Variants in SMCO3 observed in about 807,000 individuals in gnomAD.
SMCO3 encodes single-pass membrane and coiled-coil domain-containing protein 3.
A neutral mutation model predicts 12.0 loss-of-function variants in SMCO3; 6 were observed. That is an observed-to-expected ratio of 0.50 (90% CI 0.27 to 0.99). The LOEUF is 0.99. Ranked by LOEUF, SMCO3 falls within the 50% of genes least tolerant of loss-of-function variation. The probability of loss-of-function intolerance (pLI) is 0.11; values close to 1 mark genes in which losing one functional copy is unlikely to be tolerated. For missense variants in SMCO3, 279 were observed against 265.0 expected (o/e 1.05, Z -0.37); for synonymous variants, 96 against 96.4 (o/e 1.00, Z 0.02).
intron 1 of SMCO3, among the ~76,000 whole-genome samples, chr12:14,807,049 C>T (rs559159084): frequency 2.0e-5 from 3 of 152,312 alleles, no homozygotes; most frequent in African/African-American, 7.2e-5. Context: ...CCAGGCTGGT[C>T]TCCAACTCCT....
Position 14,805,829 on chromosome 12 carries a change from G to T in SMCO3, c.*174C>A, listed in dbSNP as rs941050122. ...AGCATCAGCTGATCCAGGCATTGTT[G>T]ACTCAAAACTCATCTAGTCATCTAG... On this transcript the variant is annotated 3_prime_UTR_variant, in exon 2 of 2. Coordinates refer to ENST00000316048, the MANE Select transcript of SMCO3 (RefSeq NM_001013698.2). 2 of 702,886 alleles carry T rather than the reference G, an allele frequency of 2.8e-6. No individual in the cohort carries two copies. The highest frequency in any genetic ancestry group is 3.6e-5 in the African/African-American group (2 of 55,562). 43.5% of individuals were successfully genotyped at this position (702,886 alleles called of 1,614,324 possible).
Position 14,806,571 on chromosome 12 carries a change from T to C in SMCO3, c.110A>G (p.Asn37Ser). The change falls in exon 2 of 2, where the codon AAT becomes AGT. Residue 37 changes from asparagine to serine, a missense_variant. Asn to Ser is a conservative substitution (Grantham distance 46). Coordinates refer to ENST00000316048, the MANE Select transcript of SMCO3 (RefSeq NM_001013698.2). The part of the protein sequence containing the change: ...DCLSDSFDVT[N>S]KLTEVLNMHL... Reference sequence around the variant, plus strand: ...CATATTTAGAACCTCAGTCAGCTTATTGGTGACATCGAAGCTGTCAGATAA... The same window carrying C: ...CATATTTAGAACCTCAGTCAGCTTACTGGTGACATCGAAGCTGTCAGATAA... 6.2e-7 allele frequency: 1 copy of C among 1,614,160 alleles called. No individual in the cohort carries two copies. Among genetic ancestry groups the C allele is most frequent in the Non-Finnish European group, 8.5e-7 (1 of 1,180,020 alleles).
chr12:14,809,164 A>G (rs1950099135), intron 1 of SMCO3, among the ~76,000 whole-genome samples: 1 of 152,184 alleles, frequency 6.6e-6, no homozygotes, highest in South Asian at 2.1e-4. Flanking sequence ...ATATGCCATT[A>G]TATGAAGGCA....
rs561150713 is a variant in SMCO3 at position 14,806,647 on chromosome 12, G to C, written c.34C>G (p.Pro12Ala). ...CGATTTACTTCTTCCCGCCTTTTTG[G>C]GTTCTCTGGGTAAAGGAAGTCACTT... ...AQSDFLYPEN[P>A]KRREEVNRLH... The change falls in exon 2 of 2, where the codon CCA (proline) becomes GCA (alanine). Residue 12 changes from proline to alanine, a missense_variant. Coordinates refer to ENST00000316048, the MANE Select transcript of SMCO3 (RefSeq NM_001013698.2). 22 of 1,608,132 alleles carry C rather than the reference G, an allele frequency of 1.4e-5. No individual in the cohort carries two copies. Among genetic ancestry groups the C allele is most frequent in the Non-Finnish European group, 1.7e-5 (20 of 1,177,974 alleles).
chr12:14,807,684 A>G (rs1950074718), intron 1 of SMCO3, among the ~76,000 whole-genome samples: 1 of 152,210 alleles, frequency 6.6e-6, no homozygotes, highest in Admixed American at 6.5e-5. Context: ...TTTGGATTAA[A>G]ATTTCATGTG....
In SMCO3 at chr12:14,805,786, T is replaced by A. The variant is rs982683899; in HGVS notation, c.*217A>T. 1 of 536,036 alleles carries A rather than the reference T, an allele frequency of 1.9e-6. No individual in the cohort carries two copies. Among genetic ancestry groups the A allele is most frequent in the African/African-American group, 1.9e-5 (1 of 51,988 alleles). 33.2% of individuals were successfully genotyped at this position (536,036 alleles called of 1,614,324 possible). On this transcript the variant is annotated 3_prime_UTR_variant, in exon 2 of 2. Coordinates refer to ENST00000316048, the MANE Select transcript of SMCO3 (RefSeq NM_001013698.2). ...GTGAAAACATCCAGGGAGAAAATTTTTTTACCTCACAGGGTCTAGCATCAG... is the reference window on the plus strand; with the variant it reads ...GTGAAAACATCCAGGGAGAAAATTTATTTACCTCACAGGGTCTAGCATCAG...
intron 1 of SMCO3, among the ~76,000 whole-genome samples, chr12:14,808,150 G>A (rs1204261550): frequency 1.3e-5 from 2 of 150,528 alleles, no homozygotes; most frequent in African/African-American, 4.9e-5. Context: ...GGGCAACAGA[G>A]CGAGACTTTG....
At position 14,805,753 on chromosome 12, in the gene SMCO3, A is replaced by G; in HGVS notation, c.*250T>C. The stretch of plus-strand genomic sequence containing the variant: ...ATTTACCCCAATGTTGATCTGGTAG[A>G]GCAGGGTGTGAAAACATCCAGGGAG... On this transcript the variant is annotated 3_prime_UTR_variant, in exon 2 of 2. Transcript: ENST00000316048. The G allele has an allele frequency of 2.1e-6, 1 of 470,854 alleles. No individual in the cohort carries two copies. The highest frequency in any genetic ancestry group is 3.7e-6 in the Non-Finnish European group (1 of 267,354). 29.2% of individuals were successfully genotyped at this position (470,854 alleles called of 1,614,324 possible).
intron 1 of SMCO3, among the ~76,000 whole-genome samples, chr12:14,809,565 A>G (rs1225350905): frequency 6.6e-6 from 1 of 152,200 alleles, no homozygotes; most frequent in Non-Finnish European, 1.5e-5. Context: ...TACTCCATAA[A>G]TGGTCTTGAG....
chr12:14,812,886 A>G (rs1258735789), intron 1 of SMCO3, among the ~76,000 whole-genome samples: 1 of 152,184 alleles, frequency 6.6e-6, no homozygotes, highest in Non-Finnish European at 1.5e-5. Flanking sequence ...TATATTTCCC[A>G]GTCAAAGATG....
chr12:14,809,599 A>G (rs1950105741), intron 1 of SMCO3, among the ~76,000 whole-genome samples: 1 of 152,214 alleles, frequency 6.6e-6, no homozygotes, highest in African/African-American at 2.4e-5. Flanking sequence ...TTTGGAGTTA[A>G]AAATTAATAA....
In SMCO3 at chr12:14,806,675, G is replaced by A. The variant is rs1950056947; in HGVS notation, c.6C>T (p.Ala2=). 3 of 1,576,942 alleles carry A rather than the reference G, an allele frequency of 1.9e-6. No individual in the cohort carries two copies. The South Asian group carries it at 3.5e-5, about 18-fold the overall frequency. Residue 2 remains alanine (A), a synonymous_variant, in exon 2 of 2, where the codon GCC becomes GCT. Transcript: ENST00000316048. ...TCTCTGGGTAAAGGAAGTCACTTTGGGCCATATTTCCAATATGATCGCTGA... is the reference window on the plus strand; with the variant it reads ...TCTCTGGGTAAAGGAAGTCACTTTGAGCCATATTTCCAATATGATCGCTGA... M[A]QSDFLYPENP...
At chr12:14,811,584 A>T (rs898581200) in intron 1 of SMCO3, among the ~76,000 whole-genome samples, 2 of 152,216 alleles carry the variant, frequency 1.3e-5, no homozygotes, top group Non-Finnish European at 2.9e-5. Flanking sequence ...TAACCTTGTT[A>T]ATTTTTTTGA....
At chr12:14,807,047 G>A (rs905333152) in intron 1 of SMCO3, among the ~76,000 whole-genome samples, 1 of 152,198 alleles carries the variant, frequency 6.6e-6, no homozygotes, top group Non-Finnish European at 1.5e-5. Flanking sequence ...GCCCAGGCTG[G>A]TCTCCAACTC....
chr12:14,813,193 GA>G (rs771222490), intron 1 of SMCO3, among the ~76,000 whole-genome samples: 29 of 152,148 alleles, frequency 1.9e-4, no homozygotes, highest in Admixed American at 3.3e-4. Flanking sequence ...GAAAGAAAAA[GA>G]AAAACGTGAC....
intron 1 of SMCO3, among the ~76,000 whole-genome samples, chr12:14,811,442 T>C (rs1229248087): frequency 6.6e-6 from 1 of 152,194 alleles, no homozygotes; most frequent in Non-Finnish European, 1.5e-5. Flanking sequence ...AAACAAAGTT[T>C]GGAAATTTTT....
Position 14,806,309 on chromosome 12 carries a change from A to G in SMCO3, c.372T>C (p.Ala124=). The change falls in exon 2 of 2, where the codon GCT becomes GCC. Residue 124 remains alanine, a synonymous_variant. Coordinates refer to ENST00000316048, the MANE Select transcript of SMCO3 (RefSeq NM_001013698.2). ...QKVISVILGE[A]TSAASAVAVK... is the part of the protein sequence containing the mutation. ...CAGCGACTGCACTGGCTGCAGATGT[A>G]GCTTCTCCCAGGATGACCGAAATAA... is the stretch of plus-strand genomic sequence containing the variant. 1 of 1,614,236 alleles carries G rather than the reference A, an allele frequency of 6.2e-7. No individual in the cohort carries two copies. Among genetic ancestry groups the G allele is most frequent in the South Asian group, 1.1e-5 (1 of 91,088 alleles).
chr12:14,805,944 CA>C lies in SMCO3; in HGVS notation c.*58del. 6.7e-7 allele frequency: 1 copy of C among 1,485,770 alleles called. No homozygotes were observed. 92.0% of individuals were successfully genotyped at this position (1,485,770 alleles called of 1,614,324 possible). ...TAGAAAATGAACCTAATCAAAGAAGCAAACACTGTTACTGAAAAGGAAGCAG... is the reference window on the plus strand; with the variant it reads ...TAGAAAATGAACCTAATCAAAGAAGCAACACTGTTACTGAAAAGGAAGCAG... On this transcript the variant is annotated 3_prime_UTR_variant, in exon 2 of 2. Coordinates refer to ENST00000316048, the MANE Select transcript of SMCO3 (RefSeq NM_001013698.2).
chr12:14,811,917 A>G (rs911187049), intron 1 of SMCO3, among the ~76,000 whole-genome samples: 3 of 152,226 alleles, frequency 2.0e-5, no homozygotes, highest in Non-Finnish European at 4.4e-5. Context: ...TTATGGAGAA[A>G]TTAAAAGTGA....
Sources: allele counts gnomAD v4.1 joint callset (sites outside exome capture counted in the v4.1 genomes callset), GRCh38; gene constraint gnomAD v4.1.1; transcripts MANE v1.5; gene names NCBI Gene and HGNC (gene_info 2026-07-23, HGNC 2026-07-21).